MBNL1: variants seen among roughly 807,000 people sequenced by gnomAD.
MBNL1 encodes the protein muscleblind like splicing regulator 1.
A neutral mutation model predicts 42.2 loss-of-function variants in MBNL1; 8 were observed. That is an observed-to-expected ratio of 0.19 (90% CI 0.11 to 0.34). The LOEUF is 0.34. MBNL1 is among the 10% of genes least tolerant of loss of function. MBNL1 has a pLI of 1.00. For missense variants in MBNL1, 309 were observed against 495.3 expected, an observed-to-expected ratio of 0.62 and a Z score of 3.57; for synonymous variants, 169 against 173.9, an observed-to-expected ratio of 0.97 and a Z score of 0.22.
chr3:152,415,259 A>G (rs1198156825), intron 3 of MBNL1, 148 bp downstream of exon 3: 4 of 701,812 alleles, frequency 5.7e-6, no homozygotes, highest in Non-Finnish European at 6.5e-6. Context: ...GTATCAGTCA[A>G]ATGCTGGAAC....
At chr3:152,320,322 C>G (rs1252450295) in intron 2 of MBNL1, among the ~76,000 whole-genome samples, 2 of 152,112 alleles carry the variant, frequency 1.3e-5, no homozygotes, top group Non-Finnish European at 2.9e-5. Flanking sequence ...AGGACTCATC[C>G]AGTTAAATTG....
intron 2 of MBNL1, among the ~76,000 whole-genome samples, chr3:152,406,730 G>A (rs1204834245): frequency 1.3e-5 from 2 of 152,104 alleles, no homozygotes; most frequent in African/African-American, 4.8e-5. Context: ...TTGGGATATC[G>A]TAAATGTCGC....
chr3:152,390,089 C>T (rs1261062265), intron 2 of MBNL1, among the ~76,000 whole-genome samples: 5 of 151,236 alleles, frequency 3.3e-5, no homozygotes, highest in East Asian at 3.9e-4. Context: ...AGGCTGGTCT[C>T]GAACTCCTGA....
chr3:152,454,841 T>C (rs895628177), intron 6 of MBNL1, among the ~76,000 whole-genome samples: 1 of 152,216 alleles, frequency 6.6e-6, no homozygotes, highest in Non-Finnish European at 1.5e-5. Context: ...TTGATACTTA[T>C]AAGAAATTAT....
chr3:152,332,804 C>A (rs886838432), intron 2 of MBNL1, among the ~76,000 whole-genome samples: 2 of 151,000 alleles, frequency 1.3e-5, no homozygotes, highest in African/African-American at 4.9e-5. Flanking sequence ...TGAAGATAGC[C>A]AAAATTAGTC....
intron 2 of MBNL1, among the ~76,000 whole-genome samples, chr3:152,305,155 A>G (rs2151777663): frequency 6.6e-6 from 1 of 152,326 alleles, no homozygotes; most frequent in South Asian, 2.1e-4. Context: ...AATTCCACGG[A>G]GTACCCTTGA....
At chr3:152,345,861 G>A (rs1216918860) in intron 2 of MBNL1, among the ~76,000 whole-genome samples, 3 of 152,026 alleles carry the variant, frequency 2.0e-5, no homozygotes, top group Non-Finnish European at 2.9e-5. Flanking sequence ...TATTTAATGA[G>A]TTTTAATAAT....
chr3:152,390,575 TATC>T (rs1253251633), intron 2 of MBNL1, among the ~76,000 whole-genome samples: 5 of 151,660 alleles, frequency 3.3e-5, no homozygotes, highest in Admixed American at 1.3e-4. Flanking sequence ...AATCATTTAT[TATC>T]ATGTATTTTG....
rs1204815253 is a variant in MBNL1 at position 152,465,586 on chromosome 3, C to T, written c.*3220C>T. ...TCAGCAACCCTACCACTTTCATCTG[C>T]TGAAAGGACAAATGTGCTTGGTTTT... is the stretch of plus-strand genomic sequence containing the variant. On this transcript the variant is annotated 3_prime_UTR_variant, in exon 10 of 10. Coordinates refer to ENST00000324210, the MANE Select transcript of MBNL1 (RefSeq NM_021038.5). 1 of 152,614 alleles carries T rather than the reference C, an allele frequency of 6.6e-6. No homozygotes were observed. The highest frequency in any genetic ancestry group is 2.4e-5 in the African/African-American group (1 of 41,456). The allele number at this position is 152,614 out of a possible 1,614,324, so 9.5% of individuals were successfully genotyped here. A position where few individuals can be genotyped will look rare whatever the true frequency, so the allele number is the denominator to read the frequency against.
intron 2 of MBNL1, among the ~76,000 whole-genome samples, chr3:152,401,811 G>A (rs138905748): frequency 6.6e-6 from 1 of 152,110 alleles, no homozygotes; most frequent in Non-Finnish European, 1.5e-5. Flanking sequence ...AGATCACGAG[G>A]TCAAGAGATC....
chr3:152,354,396 C>A (rs1425779825), intron 2 of MBNL1, among the ~76,000 whole-genome samples: 1 of 152,166 alleles, frequency 6.6e-6, no homozygotes, highest in East Asian at 1.9e-4. Flanking sequence ...TGGAGGCTGC[C>A]GTGAGGCGTG....
intron 2 of MBNL1, among the ~76,000 whole-genome samples, chr3:152,326,817 A>ATTTAT (rs1324081596): frequency 1.7e-3 from 255 of 151,262 alleles, no homozygotes; most frequent in African/African-American, 5.8e-3. Flanking sequence ...TTATTTATTT[A>ATTTAT]TTGAGACAGA....
intron 2 of MBNL1, among the ~76,000 whole-genome samples, chr3:152,382,277 A>G (rs1023964253): frequency 1.3e-5 from 2 of 152,094 alleles, no homozygotes; most frequent in Admixed American, 6.6e-5. Flanking sequence ...AAGCAAAGAA[A>G]ATATTTTTCT....
chr3:152,439,526 A>G (rs1001913428), intron 4 of MBNL1, among the ~76,000 whole-genome samples: 89 of 152,308 alleles, frequency 5.8e-4, no homozygotes, highest in African/African-American at 2.1e-3. Flanking sequence ...AGAAACCTTA[A>G]GAGTTTTCAC....
intron 1 of MBNL1, among the ~76,000 whole-genome samples, chr3:152,272,520 A>T (rs1054792621): frequency 6.6e-5 from 10 of 152,072 alleles, no homozygotes; most frequent in Non-Finnish European, 1.3e-4. Context: ...GTAAATAGCA[A>T]TTATCTTCAA....
upstream of MBNL1, chr3:152,264,979 T>C (rs1227173810): frequency 6.6e-6 from 1 of 151,998 alleles, no homozygotes; most frequent in Non-Finnish European, 1.5e-5. Flanking sequence ...CACAAAGAAA[T>C]TGTGTTGTGT....
chr3:152,308,687 C>G (rs533205936), intron 2 of MBNL1, among the ~76,000 whole-genome samples: 2 of 152,250 alleles, frequency 1.3e-5, no homozygotes, highest in East Asian at 1.9e-4. Context: ...GCTTAATGAA[C>G]AGCTTCTCCC....
At chr3:152,271,487 T>G (rs1389869013) in intron 1 of MBNL1, among the ~76,000 whole-genome samples, 1 of 152,190 alleles carries the variant, frequency 6.6e-6, no homozygotes, top group Non-Finnish European at 1.5e-5. Flanking sequence ...TAGATCTATA[T>G]GGAAACAGAG....
intron 6 of MBNL1, among the ~76,000 whole-genome samples, chr3:152,452,447 A>C (rs185521851): frequency 6.6e-6 from 1 of 152,174 alleles, no homozygotes; most frequent in African/African-American, 2.4e-5. Context: ...TGTACAGTCT[A>C]GTATTCTCAG....
Sources: gnomAD v4.1 joint callset for allele counts (sites outside exome capture counted in the v4.1 genomes callset) on GRCh38, gnomAD v4.1.1 for gene constraint, MANE v1.5 for transcripts, NCBI Gene and HGNC (gene_info 2026-07-23, HGNC 2026-07-21) for gene names.